RUBCN: variants seen among roughly 807,000 people sequenced by gnomAD.
RUBCN encodes run domain Beclin-1-interacting and cysteine-rich domain-containing protein.
In RUBCN, 74 loss-of-function variants were observed where a neutral mutation model predicts 113.2. That is an observed-to-expected ratio of 0.65 (90% CI 0.54 to 0.79). The LOEUF (loss-of-function observed/expected upper bound fraction) is 0.79. RUBCN is among the 30% of genes least tolerant of loss of function. RUBCN has a pLI of 0.00. For missense variants in RUBCN, 1,109 were observed against 1,251.7 expected, an observed-to-expected ratio of 0.89 and a Z score of 1.72; for synonymous variants, 480 against 490.0, an observed-to-expected ratio of 0.98 and a Z score of 0.27.
chr3:197,718,965 G>T (rs961778765), intron 1 of RUBCN, among the ~76,000 whole-genome samples: 3 of 152,226 alleles, frequency 2.0e-5, no homozygotes, highest in Non-Finnish European at 4.4e-5. Context: ...CCATCGCAGA[G>T]GCCAATGGAC....
chr3:197,701,570 T>G, intron 6 of RUBCN, 138 bp downstream of exon 6: 2 of 735,590 alleles, frequency 2.7e-6, no homozygotes, highest in Non-Finnish European at 4.8e-6. Context: ...AGTCACTATA[T>G]AACTTGTAAA....
rs1031391618 is a variant in RUBCN, at chr3:197,681,731, CCACGCCACCTCCTGCTACCGCCTTTGA to C, written c.2191+77_2191+103del. 65 of 1,009,412 alleles carry C rather than the reference CCACGCCACCTCCTGCTACCGCCTTTGA, an allele frequency of 6.4e-5. 1 individual carries two copies. In the Middle Eastern group the frequency reaches 6.6e-4, roughly 10 times the overall value. The allele number at this position is 1,009,412 out of a possible 1,614,324, so 62.5% of individuals were successfully genotyped here. ...CTTTCTTTCTCCTTCCCTACTTCTG[CCACGCCACCTCCTGCTACCGCCTTTGA>C]CACGCCACCTCTCCCTACGTGTCGG... On this transcript the variant is annotated intron_variant, in intron 15 of 19. Transcript: ENST00000296343. This position sits in a 1 kb window ranked among gnomAD's most constrained non-coding sequence, Gnocchi z 5.5.
At chr3:197,696,559 C>A (rs1283104186) in intron 8 of RUBCN, among the ~76,000 whole-genome samples, 1 of 152,076 alleles carries the variant, frequency 6.6e-6, no homozygotes, top group Non-Finnish European at 1.5e-5. Context: ...GAACTTTGGG[C>A]TGGGAGGCAG....
At chr3:197,703,729 G>A in intron 4 of RUBCN, 75 bp from the exon 5 acceptor site, 1 of 875,316 alleles carries the variant, frequency 1.1e-6, no homozygotes. Context: ...AAGCAGAAAG[G>A]GAGAGGTAAG....
At chr3:197,718,666 TGGCCTCAA>T (rs1725813442) in intron 1 of RUBCN, among the ~76,000 whole-genome samples, 1 of 151,876 alleles carries the variant, frequency 6.6e-6, no homozygotes, top group Non-Finnish European at 1.5e-5. Flanking sequence ...GCCCAACTCC[TGGCCTCAA>T]GTGATCCTCC....
In RUBCN at chr3:197,694,050, T is replaced by TTA. The variant is rs1210596798; in HGVS notation, c.1685-236_1685-235dup. 4 of 515,116 alleles carry TTA rather than the reference T, an allele frequency of 7.8e-6. No homozygotes were observed. In the East Asian group the frequency reaches 1.6e-4, roughly 21 times the overall value. The allele number at this position is 515,116 out of a possible 1,614,324, so 31.9% of individuals were successfully genotyped here. ...TTTGGGAAGGGAGCTATTCCTTTAT[T>TTA]TATATATATACATATATATATTTAG... On this transcript the variant is annotated intron_variant, in intron 10 of 19. Transcript: ENST00000296343.
chr3:197,682,092 ACT>A (rs1056461179), intron 14 of RUBCN, among the ~76,000 whole-genome samples, 193 bp from the exon 15 acceptor site: 1 of 152,098 alleles, frequency 6.6e-6, no homozygotes, highest in African/African-American at 2.4e-5. Context: ...CTAGGCAGTC[ACT>A]CTGCCCAGTA....
In RUBCN at chr3:197,675,977, C is replaced by T. The variant is rs1370076693; in HGVS notation, c.2647-462G>A. The stretch of plus-strand genomic sequence containing the variant: ...CACAGGGTTTCCTACCTGTGCCCAG[C>T]TCGAATTATGGGACGGTCACAGGAA... On this transcript the variant is annotated intron_variant, in intron 18 of 19. Transcript: ENST00000296343. This position sits in a 1 kb window ranked among gnomAD's most constrained non-coding sequence, Gnocchi z 4.4. 6.6e-6 allele frequency among the ~76,000 whole-genome samples: 1 copy of T among 152,162 alleles called. No individual in the cohort carries two copies. Among genetic ancestry groups the T allele is most frequent in the Non-Finnish European group, 1.5e-5 (1 of 68,034 alleles).
intron 16 of RUBCN, among the ~76,000 whole-genome samples, chr3:197,678,292 T>TACCTC (rs758634850): frequency 1.3e-5 from 2 of 151,994 alleles, no homozygotes; most frequent in African/African-American, 4.8e-5. Context: ...TCCTATGCTC[T>TACCTC]GACAACTGGC....
intron 11 of RUBCN, among the ~76,000 whole-genome samples, chr3:197,688,709 T>C (rs1393897541): frequency 6.6e-6 from 1 of 152,178 alleles, no homozygotes; most frequent in African/African-American, 2.4e-5. Flanking sequence ...CTGTCTGAGA[T>C]TGGGAGCCTA....
intron 6 of RUBCN, 66 bp from the exon 7 acceptor site, chr3:197,701,212 G>C (rs1723630915): frequency 7.4e-7 from 1 of 1,357,510 alleles, no homozygotes; most frequent in Admixed American, 2.3e-5. Flanking sequence ...ATGTATGAAG[G>C]ACTGGGTGAC....
intron 1 of RUBCN, among the ~76,000 whole-genome samples, chr3:197,730,706 G>T (rs888413252): frequency 6.6e-6 from 1 of 151,682 alleles, no homozygotes; most frequent in African/African-American, 2.4e-5. Flanking sequence ...TGAGGATGTG[G>T]GGGTTGAAAG....
rs748229036 is a variant in RUBCN at position 197,700,840 on chromosome 3, T to C, written c.1034A>G (p.Asn345Ser). The C allele has an allele frequency of 4.3e-6, 7 of 1,614,022 alleles. No homozygotes were observed. Among genetic ancestry groups the C allele is most frequent in the East Asian group, 4.5e-5 (2 of 44,888 alleles). ...RTASCQSHSSNAESSSSNLFS... is the reference protein window; with the variant it reads ...RTASCQSHSSSAESSSSNLFS... ...CAAATTGGAACTGCTGCTCTCGGCA[T>C]TGCTGCTGTGACTCTGACAGCTGGC... Residue 345 changes from asparagine to serine, a missense_variant, in exon 7 of 20, where the codon AAT becomes AGT. Physicochemically the swap from Asn to Ser is conservative, Grantham distance 46. Transcript: ENST00000296343.
chr3:197,739,609 T>A (rs1257196344), upstream of RUBCN, among the ~76,000 whole-genome samples: 2 of 150,892 alleles, frequency 1.3e-5, no homozygotes, highest in Admixed American at 1.3e-4. Context: ...GGCAGGAGAA[T>A]GGCGTGATGA....
At chr3:197,707,385 A>G (rs1475639133) in intron 2 of RUBCN, among the ~76,000 whole-genome samples, 1 of 152,076 alleles carries the variant, frequency 6.6e-6, no homozygotes, top group Admixed American at 6.6e-5. Flanking sequence ...ACAAAATTTT[A>G]AACTAACTTA....
At chr3:197,715,290 G>GAAAAAAAAAAAAA (rs35511002) in intron 2 of RUBCN, among the ~76,000 whole-genome samples, 3 of 102,816 alleles carry the variant, frequency 2.9e-5, no homozygotes, top group East Asian at 2.2e-4. Flanking sequence ...ACTCTATCTT[G>GAAAAAAAAAAAAA]AAAAAAAAAA....
rs559378231 is a variant in RUBCN at position 197,694,189 on chromosome 3, C to T, written c.1684+186G>A. ...TCCAGGCGTGAGCCACTCTGCCTGG[C>T]CTGGAAGGCAGGTATTTCTGATGCA... On this transcript the variant is annotated intron_variant, in intron 10 of 19. Transcript: ENST00000296343. 41 of 720,644 alleles carry T rather than the reference C, an allele frequency of 5.7e-5. No individual in the cohort carries two copies. In the African/African-American group the frequency reaches 6.9e-4, roughly 12 times the overall value. 44.6% of individuals were successfully genotyped at this position (720,644 alleles called of 1,614,324 possible). A position where few individuals can be genotyped will look rare whatever the true frequency, so the allele number is the denominator to read the frequency against.
intron 11 of RUBCN, among the ~76,000 whole-genome samples, chr3:197,693,431 AAGG>A (rs1204796112): frequency 6.6e-6 from 1 of 152,198 alleles, no homozygotes; most frequent in Non-Finnish European, 1.5e-5. Flanking sequence ...TACAAGCTGA[AAGG>A]AGGAGTCAGA....
At chr3:197,682,332 G>GCCC in intron 14 of RUBCN, 138 bp downstream of exon 14, 1 of 1,006,148 alleles carries the variant, frequency 9.9e-7, no homozygotes, top group Non-Finnish European at 1.5e-6. Context: ...AATGGACGAC[G>GCCC]CCCCCCCTCT....
Sources: allele counts gnomAD v4.1 joint callset (sites outside exome capture counted in the v4.1 genomes callset), GRCh38; gene constraint gnomAD v4.1.1; non-coding constraint Gnocchi (gnomAD v3.1); transcripts MANE v1.5; gene names NCBI Gene and HGNC (gene_info 2026-07-23, HGNC 2026-07-21).